The following CLCN3 variants were observed in gnomAD, a reference collection of about 807,000 sequenced individuals.
CLCN3 encodes the protein H(+)/Cl(-) exchange transporter 3.
A neutral mutation model predicts 83.4 loss-of-function variants in CLCN3; 16 were observed. That is an observed-to-expected ratio of 0.19 (90% CI 0.13 to 0.29). CLCN3 has a LOEUF of 0.29. Among genes scored for constraint, CLCN3 ranks in the 10% least tolerant of loss-of-function variants. The pLI, the probability that CLCN3 is intolerant of heterozygous loss-of-function variation, is 1.00. For synonymous variants in CLCN3, 322 were observed against 346.2 expected (o/e 0.93, Z 0.78); for missense variants, 544 against 1,006.0 (o/e 0.54, Z 6.21).
Position 169,687,776 on chromosome 4 carries a change from G to A in CLCN3, c.418+19G>A. 5 of 1,421,162 alleles carry A rather than the reference G, an allele frequency of 3.5e-6. No individual in the cohort carries two copies. The highest frequency in any genetic ancestry group is 4.8e-6 in the Non-Finnish European group (5 of 1,032,782). 88.0% of individuals were successfully genotyped at this position (1,421,162 alleles called of 1,614,324 possible). A position where few individuals can be genotyped will look rare whatever the true frequency, so the allele number is the denominator to read the frequency against. On this transcript the variant is annotated intron_variant, in intron 4 of 12. Transcript: ENST00000513761. ...GCATCAGGTAAAGAAAATTTTTCAA[G>A]CAATCCTTTTTTAGTTAACAGAAGT...
At chr4:169,672,830 A>AT (rs1221896365) in intron 2 of CLCN3, among the ~76,000 whole-genome samples, 4 of 151,282 alleles carry the variant, frequency 2.6e-5, no homozygotes, top group South Asian at 2.1e-4. Context: ...CGCCCAGCTA[A>AT]TTTTTTTTAT....
At chr4:169,695,742 A>G in intron 8 of CLCN3, 50 bp downstream of exon 8, 1 of 1,243,632 alleles carries the variant, frequency 8.0e-7, no homozygotes, top group Non-Finnish European at 1.2e-6. Context: ...TACCATTACA[A>G]ATATATTTCA....
At chr4:169,699,600 C>G (rs1390568008) in intron 9 of CLCN3, among the ~76,000 whole-genome samples, 1 of 152,066 alleles carries the variant, frequency 6.6e-6, no homozygotes, top group Non-Finnish European at 1.5e-5. Flanking sequence ...ATAGAAAAGC[C>G]TGGCCAGGCG....
Position 169,707,127 on chromosome 4 carries a change from G to A in CLCN3, c.2010G>A (p.Leu670=). The stretch of plus-strand genomic sequence containing the variant: ...GGAATGATCCTCCCTTAGCTGTCCT[G>A]ACACAGGACAATATGACAGTGGATG... The part of the protein sequence containing the change: ...PRRNDPPLAV[L]TQDNMTVDDI... Residue 670 remains leucine (L), a synonymous_variant, in exon 11 of 13, where the codon CTG becomes CTA. Coordinates refer to ENST00000513761, the MANE Select transcript of CLCN3 (RefSeq NM_001829.4). 1 of 1,614,112 alleles carries A rather than the reference G, an allele frequency of 6.2e-7. No homozygotes were observed. The highest frequency in any genetic ancestry group is 8.5e-7 in the Non-Finnish European group (1 of 1,180,002).
chr4:169,628,278 G>C (rs1457155495), intron 1 of CLCN3, among the ~76,000 whole-genome samples: 1 of 152,082 alleles, frequency 6.6e-6, no homozygotes, highest in Non-Finnish European at 1.5e-5. Context: ...GCCACCAAAA[G>C]AATACTCCTT....
At chr4:169,625,844 C>T (rs762918481) in intron 1 of CLCN3, among the ~76,000 whole-genome samples, 92 of 152,326 alleles carry the variant, frequency 6.0e-4, no homozygotes, top group Middle Eastern at 3.4e-3. Context: ...TTTTAATTCT[C>T]TCACTCAACA....
rs188525769 is a variant in CLCN3, at chr4:169,624,380, C to T, written c.-17+3317C>T. On this transcript the variant is annotated intron_variant, in intron 1 of 12. Transcript: ENST00000513761. The stretch of plus-strand genomic sequence containing the variant: ...AACTCCTGACCTGAGGTGATCGACC[C>T]GCCTCGGCCACCCAAAGTGCTGGGA... Among the ~76,000 whole-genome samples the T allele has an allele frequency of 3.1e-4, 47 of 152,178 alleles. 1 individual carries two copies. The Middle Eastern group carries it at 0.01, about 33-fold the overall frequency.
rs776956091 is a variant in CLCN3 at position 169,720,684 on chromosome 4, A to G, written c.*687A>G. 1 of 152,530 alleles carries G rather than the reference A, an allele frequency of 6.6e-6. No individual in the cohort carries two copies. The highest frequency in any genetic ancestry group is 1.5e-5 in the Non-Finnish European group (1 of 68,074). 9.4% of individuals were successfully genotyped at this position (152,530 alleles called of 1,614,324 possible). A position where few individuals can be genotyped will look rare whatever the true frequency, so the allele number is the denominator to read the frequency against. ...GAAGGGAGTGTTTCTTGTGCCATTA[A>G]CCATGTAGTTTGTACCATCACTAAA... On this transcript the variant is annotated 3_prime_UTR_variant, in exon 13 of 13. Coordinates refer to ENST00000513761, the MANE Select transcript of CLCN3 (RefSeq NM_001829.4).
chr4:169,656,238 G>A (rs544259465), intron 2 of CLCN3, among the ~76,000 whole-genome samples: 1 of 152,300 alleles, frequency 6.6e-6, no homozygotes, highest in Non-Finnish European at 1.5e-5. Flanking sequence ...GAAAAGAGAT[G>A]TAATTGGCTC....
chr4:169,693,748 T>C (rs578215997), intron 7 of CLCN3, among the ~76,000 whole-genome samples: 1 of 152,356 alleles, frequency 6.6e-6, no homozygotes, highest in African/African-American at 2.4e-5. Flanking sequence ...GGTAAGACTT[T>C]TACTTATTCT....
At chr4:169,656,430 T>G (rs748942502) in intron 2 of CLCN3, among the ~76,000 whole-genome samples, 3 of 152,138 alleles carry the variant, frequency 2.0e-5, no homozygotes, top group Non-Finnish European at 4.4e-5. Context: ...TACTCTATAA[T>G]GAGATAGCAC....
At chr4:169,679,810 G>C (rs1184645280) in intron 2 of CLCN3, among the ~76,000 whole-genome samples, 5 of 152,166 alleles carry the variant, frequency 3.3e-5, no homozygotes, top group Non-Finnish European at 7.4e-5. Context: ...GAATCAGGCA[G>C]GGAGGTTGCA....
intron 12 of CLCN3, among the ~76,000 whole-genome samples, chr4:169,718,172 G>T (rs768334660): frequency 6.6e-5 from 10 of 151,992 alleles, no homozygotes; most frequent in Admixed American, 1.3e-4. Flanking sequence ...AAGTGAATAT[G>T]GCAAATCTGT....
At position 169,649,636 on chromosome 4, in the gene CLCN3, T is replaced by C. The variant is rs78451452; in HGVS notation, c.160+13548T>C. On this transcript the variant is annotated intron_variant, in intron 2 of 12. Coordinates refer to ENST00000513761, the MANE Select transcript of CLCN3 (RefSeq NM_001829.4). ...CACATGCAGTTGGTAGTGCCATTTATAAGGCAGAGAGTTTTTAATATATAA... is the reference window on the plus strand; with the variant it reads ...CACATGCAGTTGGTAGTGCCATTTACAAGGCAGAGAGTTTTTAATATATAA... Among the ~76,000 whole-genome samples, 77 of 152,376 alleles carry C rather than the reference T, an allele frequency of 5.1e-4. No individual in the cohort carries two copies. In the East Asian group the frequency reaches 0.013, roughly 26 times the overall value.
chr4:169,689,242 T>C lies in CLCN3; in HGVS notation c.606+12T>C, dbSNP rs1251108879. ...TAGGTCAAGCAGAGGTAAGTCTTGC[T>C]TTGTCTCAAGATGAATTAATAATTG... On this transcript the variant is annotated intron_variant, in intron 5 of 12. Coordinates refer to ENST00000513761, the MANE Select transcript of CLCN3 (RefSeq NM_001829.4). 1.2e-6 allele frequency: 2 copies of C among 1,600,650 alleles called. No individual in the cohort carries two copies. Among genetic ancestry groups the C allele is most frequent in the Non-Finnish European group, 1.7e-6 (2 of 1,172,240 alleles).
chr4:169,666,397 C>T (rs1448601640), intron 2 of CLCN3, among the ~76,000 whole-genome samples: 1 of 152,168 alleles, frequency 6.6e-6, no homozygotes, highest in South Asian at 2.1e-4. Flanking sequence ...ATGTCGGGAA[C>T]AACTGAGGGT....
In CLCN3 at chr4:169,634,415, T is replaced by C. The variant is rs533475657; in HGVS notation, c.-16-1498T>C. On this transcript the variant is annotated intron_variant, in intron 1 of 12. Coordinates refer to ENST00000513761, the MANE Select transcript of CLCN3 (RefSeq NM_001829.4). ...ATGATTCTTAAGCTATTAATGTTTA[T>C]GTTTTTAAAAGCCTTTTGGTAATTT... Among the ~76,000 whole-genome samples, 15 of 152,360 alleles carry C rather than the reference T, an allele frequency of 9.8e-5. No homozygotes were observed. The East Asian group carries it at 2.9e-3, about 29-fold the overall frequency.
intron 2 of CLCN3, among the ~76,000 whole-genome samples, chr4:169,643,912 T>G (rs1288377865): frequency 3.3e-5 from 5 of 152,214 alleles, no homozygotes; most frequent in African/African-American, 9.6e-5. Context: ...GTTGTTTTAC[T>G]TGAAAAGACA....
intron 10 of CLCN3, 73 bp from the exon 11 acceptor site, chr4:169,706,795 G>A: frequency 7.4e-7 from 1 of 1,349,300 alleles, no homozygotes; most frequent in Middle Eastern, 1.9e-4. Flanking sequence ...TAACTGCCTA[G>A]TGCAAAAATT....
Sources: gnomAD v4.1 joint callset for allele counts (sites outside exome capture counted in the v4.1 genomes callset) on GRCh38, gnomAD v4.1.1 for gene constraint, MANE v1.5 for transcripts, NCBI Gene and HGNC (gene_info 2026-07-23, HGNC 2026-07-21) for gene names.